HS6ST3: variants seen among roughly 807,000 people sequenced by gnomAD.
HS6ST3 encodes the protein heparan-sulfate 6-O-sulfotransferase 3.
In HS6ST3, 12 loss-of-function variants were observed where a neutral mutation model predicts 36.7. The observed-to-expected ratio is 0.33, with a 90% CI of 0.21 to 0.53. The LOEUF (loss-of-function observed/expected upper bound fraction) is 0.53. HS6ST3 is among the 20% of genes least tolerant of loss of function. The pLI is 0.95. For synonymous variants in HS6ST3, 240 were observed against 257.5 expected (o/e 0.93, Z 0.65); for missense variants, 584 against 640.9 (o/e 0.91, Z 0.96).
chr13:96,366,697 T>TG (rs2055264830), intron 1 of HS6ST3, among the ~76,000 whole-genome samples: 1 of 152,062 alleles, frequency 6.6e-6, no homozygotes, highest in Admixed American at 6.6e-5. Context: ...ATGATTCTGG[T>TG]GGGGGTAGCC....
chr13:96,096,344 A>T (rs1291163877), intron 1 of HS6ST3, among the ~76,000 whole-genome samples: 1 of 152,186 alleles, frequency 6.6e-6, no homozygotes, highest in Admixed American at 6.5e-5. Context: ...GAACTCTGTG[A>T]TGCTCACTCT....
chr13:96,197,531 A>G (rs1484875867), intron 1 of HS6ST3, among the ~76,000 whole-genome samples: 1 of 152,140 alleles, frequency 6.6e-6, no homozygotes, highest in African/African-American at 2.4e-5. Context: ...ACAGTCCCCC[A>G]AAGTCTTAAC....
intron 1 of HS6ST3, among the ~76,000 whole-genome samples, chr13:96,650,726 G>A (rs925479850): frequency 6.6e-6 from 1 of 152,038 alleles, no homozygotes; most frequent in Non-Finnish European, 1.5e-5. Context: ...TGAGTGTGAA[G>A]TTCACACAAT....
intron 1 of HS6ST3, among the ~76,000 whole-genome samples, chr13:96,278,919 G>A (rs1469118901): frequency 6.6e-6 from 1 of 151,956 alleles, no homozygotes; most frequent in Non-Finnish European, 1.5e-5. Context: ...TGTTCTTCAG[G>A]TATTATACCT....
At chr13:96,381,003 T>C (rs1402526087) in intron 1 of HS6ST3, among the ~76,000 whole-genome samples, 1 of 152,228 alleles carries the variant, frequency 6.6e-6, no homozygotes, top group African/African-American at 2.4e-5. Context: ...GGAGATAGCT[T>C]GAGCTGGACA....
At chr13:96,339,455 A>G (rs761711971) in intron 1 of HS6ST3, among the ~76,000 whole-genome samples, 10 of 152,158 alleles carry the variant, frequency 6.6e-5, no homozygotes, top group Non-Finnish European at 1.3e-4. Flanking sequence ...CAAGGTGATC[A>G]AGCCTGAGGG....
chr13:96,225,357 C>T (rs1391646702), intron 1 of HS6ST3, among the ~76,000 whole-genome samples: 1 of 152,166 alleles, frequency 6.6e-6, no homozygotes, highest in African/African-American at 2.4e-5. Context: ...TAATGAACTA[C>T]CAAATAATTT....
intron 1 of HS6ST3, among the ~76,000 whole-genome samples, chr13:96,133,139 T>A (rs1431855419): frequency 6.6e-6 from 1 of 152,062 alleles, no homozygotes; most frequent in Non-Finnish European, 1.5e-5. Context: ...TAATTATTAT[T>A]ATTTTTTGAG....
intron 1 of HS6ST3, among the ~76,000 whole-genome samples, chr13:96,181,547 G>A (rs2054240041): frequency 6.6e-6 from 1 of 152,152 alleles, no homozygotes; most frequent in Admixed American, 6.5e-5. Context: ...GGCCTCTCAG[G>A]GCCCTGGCCT....
Position 96,298,028 on chromosome 13 carries a change from GA to G in HS6ST3, c.707+206467del, listed in dbSNP as rs538684197. The stretch of plus-strand genomic sequence containing the variant: ...TTTATTTTAAATAAAAATTTCTTAA[GA>G]AAAAAAACCTGTTGTTTTGGCTCTT... On this transcript the variant is annotated intron_variant, in intron 1 of 1. Coordinates refer to ENST00000376705, the MANE Select transcript of HS6ST3 (RefSeq NM_153456.4). 1.4e-4 allele frequency among the ~76,000 whole-genome samples: 22 copies of G among 151,922 alleles called. 1 individual carries two copies. The highest frequency in any genetic ancestry group is 2.0e-4 in the Admixed American group (3 of 15,250).
chr13:96,758,053 C>T (rs1339670596), intron 1 of HS6ST3, among the ~76,000 whole-genome samples: 1 of 151,932 alleles, frequency 6.6e-6, no homozygotes, highest in African/African-American at 2.4e-5. Context: ...ACCAGTTAAT[C>T]TACCTGAGAC....
chr13:96,130,390 G>GT lies in HS6ST3; in HGVS notation c.707+38821_707+38822insT, dbSNP rs147470713. ...CAACTATTCTGAGTTGACCTAGAAG[G>GT]AACTGTGCCTGAAGGGTTAATTAGA... On this transcript the variant is annotated intron_variant, in intron 1 of 1. Coordinates refer to ENST00000376705, the MANE Select transcript of HS6ST3 (RefSeq NM_153456.4). Among the ~76,000 whole-genome samples the GT allele has an allele frequency of 6.6e-4, 101 of 152,254 alleles. 2 individuals are homozygous for GT. The East Asian group carries it at 0.019, about 29-fold the overall frequency.
At position 96,812,812 on chromosome 13, in the gene HS6ST3, G is replaced by A. The variant is rs530510061; in HGVS notation, c.708-19678G>A. The stretch of plus-strand genomic sequence containing the variant: ...ACACACACACACCCCTTAGGCTTTG[G>A]TGTTGGGCCTATCTTTGGTAACTGG... On this transcript the variant is annotated intron_variant, in intron 1 of 1. Transcript: ENST00000376705. Among the ~76,000 whole-genome samples, 4 of 152,168 alleles carry A rather than the reference G, an allele frequency of 2.6e-5. No individual in the cohort carries two copies. The East Asian group carries it at 7.7e-4, about 29-fold the overall frequency.
At chr13:96,810,135 C>T (rs901716767) in intron 1 of HS6ST3, among the ~76,000 whole-genome samples, 2 of 152,152 alleles carry the variant, frequency 1.3e-5, no homozygotes, top group Admixed American at 6.5e-5. Context: ...ACCCAGAGGC[C>T]GCTGTGAGGC....
At chr13:96,419,239 T>G (rs1294462553) in intron 1 of HS6ST3, among the ~76,000 whole-genome samples, 4 of 152,246 alleles carry the variant, frequency 2.6e-5, no homozygotes, top group African/African-American at 9.6e-5. Flanking sequence ...TCACTAATTA[T>G]GAGTTCCTTT....
At chr13:96,732,177 A>G (rs1876172300) in intron 1 of HS6ST3, among the ~76,000 whole-genome samples, 1 of 152,156 alleles carries the variant, frequency 6.6e-6, no homozygotes, top group Non-Finnish European at 1.5e-5. Flanking sequence ...ACTTTTTCAT[A>G]TACCTTTTGG....
At chr13:96,565,050 C>A (rs974238629) in intron 1 of HS6ST3, among the ~76,000 whole-genome samples, 2 of 151,902 alleles carry the variant, frequency 1.3e-5, no homozygotes, top group African/African-American at 4.8e-5. Flanking sequence ...AGGAAGATCT[C>A]AAACATGGAG....
At chr13:96,482,402 C>T (rs1444861019) in intron 1 of HS6ST3, among the ~76,000 whole-genome samples, 5 of 151,870 alleles carry the variant, frequency 3.3e-5, no homozygotes, top group Non-Finnish European at 5.9e-5. Flanking sequence ...ATTTTCTGCT[C>T]ATATGACAAT....
intron 1 of HS6ST3, among the ~76,000 whole-genome samples, chr13:96,691,718 A>G (rs1874965644): frequency 6.6e-6 from 1 of 151,946 alleles, no homozygotes; most frequent in African/African-American, 2.4e-5. Context: ...CTCAGCAGAG[A>G]AAAGGTGTCA....
Sources: gnomAD v4.1 joint callset for allele counts (sites outside exome capture counted in the v4.1 genomes callset) on GRCh38, gnomAD v4.1.1 for gene constraint, MANE v1.5 for transcripts, NCBI Gene and HGNC (gene_info 2026-07-23, HGNC 2026-07-21) for gene names.